The following NBAS variants were observed in gnomAD, a reference collection of about 807,000 sequenced individuals.
NBAS encodes the protein NAG/BC035112 fusion.
NBAS carries 219 observed loss-of-function variants against 302.5 expected under a neutral mutation model. The observed-to-expected ratio is 0.72, with a 90% CI of 0.65 to 0.81. The LOEUF (loss-of-function observed/expected upper bound fraction) is 0.81, where lower values mean the gene tolerates loss of function less well. NBAS is among the 30% of genes least tolerant of loss of function. NBAS has a pLI of 0.00. For missense variants in NBAS, 2,932 were observed against 2,841.6 expected, an observed-to-expected ratio of 1.03 and a Z score of -0.72; for synonymous variants, 1,118 against 1,021.6, an observed-to-expected ratio of 1.09 and a Z score of -1.80.
chr2:15,342,108 A>AAAT (rs1234692172), intron 35 of NBAS, among the ~76,000 whole-genome samples: 2 of 152,178 alleles, frequency 1.3e-5, no homozygotes, highest in African/African-American at 2.4e-5. Context: ...AACCACAAGA[A>AAAT]AATAGGAAAT....
chr2:15,528,878 A>AAAAAAAAT lies in NBAS; in HGVS notation c.746+5664_746+5665insATTTTTTT, dbSNP rs555894886. On this transcript the variant is annotated intron_variant, in intron 9 of 51. Coordinates refer to ENST00000281513, the MANE Select transcript of NBAS (RefSeq NM_015909.4). ...TGAGACTCCATCTCAAAAAAAAAAA[A>AAAAAAAAT]ATATATATATATATATATATGTGTG... Among the ~76,000 whole-genome samples the AAAAAAAAT allele has an allele frequency of 4.9e-5, 6 of 121,544 alleles. No homozygotes were observed. In the South Asian group the frequency reaches 1.5e-3, roughly 30 times the overall value. 79.7% of individuals were successfully genotyped at this position (121,544 alleles called of 152,430 possible).
the NBAS span, among the ~76,000 whole-genome samples, chr2:14,905,281 C>T: frequency 5.9e-5 from 9 of 152,196 alleles, no homozygotes; most frequent in African/African-American, 9.6e-5. Context: ...CATCACTGTG[C>T]GCAACCTATT....
rs559288361 is a variant in NBAS, at chr2:15,461,262, G to C, written c.2278C>G (p.Leu760Val). Residue 760 changes from leucine to valine, a missense_variant, in exon 21 of 52, where the codon CTG becomes GTG. Transcript: ENST00000281513. ...GAAGTGGTCTCTGGAAAGTTGGACAGAATTGCAAGGCGATGAGGAAGCAGG... is the reference window on the plus strand; with the variant it reads ...GAAGTGGTCTCTGGAAAGTTGGACACAATTGCAAGGCGATGAGGAAGCAGG... The part of the protein sequence containing the change: ...SDLLPHRLAI[L>V]SNFPETTSPH... The C allele has an allele frequency of 6.2e-7, 1 of 1,613,704 alleles. No individual in the cohort carries two copies. Among genetic ancestry groups the C allele is most frequent in the Non-Finnish European group, 8.5e-7 (1 of 1,179,678 alleles).
At chr2:15,034,003 GAAGAAGAA>G in the NBAS span, among the ~76,000 whole-genome samples, 1 of 44,886 alleles carries the variant, frequency 2.2e-5, no homozygotes, top group Admixed American at 3.1e-4. Context: ...AGAAGAAGAA[GAAGAAGAA>G]GAAGAAGAAG....
At chr2:15,201,889 C>G (rs915768825) in intron 48 of NBAS, among the ~76,000 whole-genome samples, 1 of 152,150 alleles carries the variant, frequency 6.6e-6, no homozygotes, top group Non-Finnish European at 1.5e-5. Context: ...CTAGCTCATG[C>G]AAGGGTGAGA....
chr2:15,451,870 T>C (rs1423591326), intron 21 of NBAS, among the ~76,000 whole-genome samples: 1 of 152,176 alleles, frequency 6.6e-6, no homozygotes, highest in African/African-American at 2.4e-5. Flanking sequence ...AACTAGAGTT[T>C]ATCTTCATCC....
At chr2:14,786,372 T>G in the NBAS span, among the ~76,000 whole-genome samples, 3 of 152,164 alleles carry the variant, frequency 2.0e-5, no homozygotes, top group African/African-American at 7.2e-5. Flanking sequence ...AGCTTTTGAA[T>G]GTGTTTGCTC....
chr2:15,190,004 T>A (rs73915050), intron 49 of NBAS, among the ~76,000 whole-genome samples: 3,436 of 152,318 alleles, frequency 0.023, 137 homozygotes, highest in African/African-American at 0.079. Flanking sequence ...GAAACTACAT[T>A]GTTTTTGTTG....
rs1337580374 is a variant in NBAS at position 15,424,203 on chromosome 2, A to C, written c.2577+112T>G. On this transcript the variant is annotated intron_variant, in intron 23 of 51. Transcript: ENST00000281513. ...ATAAATATTCAATTCATCTCTTGCA[A>C]TTATATACATGATTCCTGCACTGCT... 3 of 1,228,310 alleles carry C rather than the reference A, an allele frequency of 2.4e-6. No individual in the cohort carries two copies. In the East Asian group the frequency reaches 7.0e-5, roughly 29 times the overall value. The allele number at this position is 1,228,310 out of a possible 1,614,324, so 76.1% of individuals were successfully genotyped here. A position where few individuals can be genotyped will look rare whatever the true frequency, so the allele number is the denominator to read the frequency against.
intron 16 of NBAS, among the ~76,000 whole-genome samples, chr2:15,472,197 A>G (rs976328580): frequency 6.6e-6 from 1 of 152,140 alleles, no homozygotes; most frequent in Non-Finnish European, 1.5e-5. Context: ...GGCCACTGCA[A>G]AGGAAGAGGC....
the NBAS span, among the ~76,000 whole-genome samples, chr2:15,146,612 C>T: frequency 6.6e-5 from 10 of 152,014 alleles, no homozygotes; most frequent in Non-Finnish European, 1.3e-4. Context: ...ATGACCTGCC[C>T]GAAGAACGTC....
intron 44 of NBAS, among the ~76,000 whole-genome samples, chr2:15,252,006 G>A (rs1287412670): frequency 1.3e-5 from 2 of 152,146 alleles, no homozygotes; most frequent in Admixed American, 6.5e-5. Flanking sequence ...ATGAGGAAGC[G>A]CCCTGCATAC....
At chr2:15,021,239 T>TAAAAA in the NBAS span, among the ~76,000 whole-genome samples, 1,976 of 148,874 alleles carry the variant, frequency 0.013, 52 homozygotes, top group African/African-American at 0.047. Flanking sequence ...AGACCTTGTC[T>TAAAAA]AAAAAAAAAA....
At chr2:14,975,902 T>C in the NBAS span, among the ~76,000 whole-genome samples, 1 of 152,160 alleles carries the variant, frequency 6.6e-6, no homozygotes. Flanking sequence ...TCAACATATG[T>C]GTGGTTTATG....
At chr2:14,998,114 T>G in the NBAS span, among the ~76,000 whole-genome samples, 4 of 152,174 alleles carry the variant, frequency 2.6e-5, no homozygotes, top group African/African-American at 4.8e-5. Context: ...ACTCAACCAG[T>G]TGGATTTCTG....
chr2:15,399,236 C>A (rs996634102), intron 26 of NBAS, among the ~76,000 whole-genome samples: 2 of 151,918 alleles, frequency 1.3e-5, no homozygotes, highest in Non-Finnish European at 2.9e-5. Context: ...GACTTAGGAA[C>A]AAGAAATGAG....
rs565123036 is a variant in NBAS at position 15,397,326 on chromosome 2, C to T, written c.3072-851G>A. The T allele has an allele frequency of 2.1e-4, 47 of 223,838 alleles. No homozygotes were observed. The South Asian group carries it at 3.2e-3, about 15-fold the overall frequency. 13.9% of individuals were successfully genotyped at this position (223,838 alleles called of 1,614,324 possible). A position where few individuals can be genotyped will look rare whatever the true frequency, so the allele number is the denominator to read the frequency against. ...TTCTGTGCAATGCTCCACCTAAACT[C>T]CAGCAAGATCTTATGGTTTTATTTA... is the stretch of plus-strand genomic sequence containing the variant. On this transcript the variant is annotated intron_variant, in intron 26 of 51. Transcript: ENST00000281513.
chr2:15,367,590 T>C (rs113195077), intron 31 of NBAS, among the ~76,000 whole-genome samples: 4 of 152,318 alleles, frequency 2.6e-5, no homozygotes, highest in African/African-American at 9.6e-5. Flanking sequence ...CAAAGGTCAC[T>C]GAAAAAGTGA....
At chr2:14,926,900 A>C in the NBAS span, among the ~76,000 whole-genome samples, 1 of 152,368 alleles carries the variant, frequency 6.6e-6, no homozygotes, top group South Asian at 2.1e-4. Flanking sequence ...GACGACGCCC[A>C]GATGTTTTGC....
Sources: gnomAD v4.1 joint callset for allele counts (sites outside exome capture counted in the v4.1 genomes callset) on GRCh38, gnomAD v4.1.1 for gene constraint, MANE v1.5 for transcripts, NCBI Gene and HGNC (gene_info 2026-07-23, HGNC 2026-07-21) for gene names.